TMTC4: variants seen among roughly 807,000 people sequenced by gnomAD.
TMTC4 encodes the protein transmembrane O-mannosyltransferase targeting cadherins 4, also known as protein O-mannosyl-transferase TMTC4.
TMTC4 carries 65 observed loss-of-function variants against 86.0 expected under a neutral mutation model. The observed-to-expected ratio is 0.76, with a 90% CI of 0.62 to 0.93. The LOEUF (loss-of-function observed/expected upper bound fraction) is 0.93. Ranked by LOEUF, TMTC4 falls within the 40% of genes least tolerant of loss-of-function variation. The probability of loss-of-function intolerance (pLI) is 0.00; values close to 1 mark genes in which losing one functional copy is unlikely to be tolerated. For missense variants in TMTC4, 866 were observed against 948.1 expected (o/e 0.91, Z 1.14); for synonymous variants, 379 against 382.5 (o/e 0.99, Z 0.11).
chr13:100,642,340 A>C (rs748758710), intron 6 of TMTC4, 29 bp from the exon 7 acceptor site: 1 of 1,611,390 alleles, frequency 6.2e-7, no homozygotes, highest in South Asian at 1.1e-5. Flanking sequence ...GATCAGTGCA[A>C]AAGTCATGGA....
chr13:100,618,640 TC>T (rs1203067365), intron 15 of TMTC4, among the ~76,000 whole-genome samples: 6 of 151,964 alleles, frequency 3.9e-5, no homozygotes, highest in Admixed American at 3.3e-4. Context: ...CCTGCGGCCT[TC>T]CGCAGTGTTT....
intron 5 of TMTC4, 73 bp from the exon 6 acceptor site, chr13:100,656,541 A>AATTTTTTTTTTTTTTT: frequency 1.3e-5 from 6 of 462,934 alleles, no homozygotes; most frequent in East Asian, 6.3e-5. Flanking sequence ...AGGAGACATA[A>AATTTTTTTTTTTTTTT]CTTTTTTTTT....
At chr13:100,617,291 T>C (rs2138743395) in intron 15 of TMTC4, among the ~76,000 whole-genome samples, 1 of 152,276 alleles carries the variant, frequency 6.6e-6, no homozygotes, top group South Asian at 2.1e-4. Flanking sequence ...CATACCACGA[T>C]GCCCAGCTAA....
intron 7 of TMTC4, among the ~76,000 whole-genome samples, chr13:100,641,125 T>C (rs1294127166): frequency 6.6e-6 from 1 of 151,928 alleles, no homozygotes; most frequent in Non-Finnish European, 1.5e-5. Flanking sequence ...GAGAATACAG[T>C]GTATACACAT....
At chr13:100,637,115 C>G (rs1353920584) in intron 9 of TMTC4, among the ~76,000 whole-genome samples, 2 of 152,096 alleles carry the variant, frequency 1.3e-5, no homozygotes, top group African/African-American at 2.4e-5. Flanking sequence ...ATGAAATGCA[C>G]AGCTAAGAAT....
chr13:100,639,878 C>T (rs370191277), intron 7 of TMTC4, among the ~76,000 whole-genome samples: 3 of 151,638 alleles, frequency 2.0e-5, no homozygotes, highest in African/African-American at 4.9e-5. Context: ...AGGTGGAGGT[C>T]GTAGTAAGCT....
At chr13:100,621,357 G>A (rs1309099467) in intron 15 of TMTC4, among the ~76,000 whole-genome samples, 3 of 152,154 alleles carry the variant, frequency 2.0e-5, no homozygotes, top group Admixed American at 6.5e-5. Flanking sequence ...CACTCACTTT[G>A]TGAGCAATAA....
At chr13:100,618,902 C>G (rs1365694470) in intron 15 of TMTC4, among the ~76,000 whole-genome samples, 1 of 152,186 alleles carries the variant, frequency 6.6e-6, no homozygotes, top group East Asian at 1.9e-4. Context: ...TCTACACAGA[C>G]ACGGCAACCA....
chr13:100,662,959 C>T lies in TMTC4; in HGVS notation c.552+5G>A. On this transcript the variant is annotated splice_donor_5th_base_variant and intron_variant, in intron 5 of 18. Transcript: ENST00000342624. ...ATACAGATGCCTCGGGCAGACGACA[C>T]TTACACACTCGGTGTGCACAGGATG... 1.2e-6 allele frequency: 2 copies of T among 1,613,440 alleles called. No homozygotes were observed. The highest frequency in any genetic ancestry group is 1.7e-6 in the Non-Finnish European group (2 of 1,179,962).
intron 7 of TMTC4, among the ~76,000 whole-genome samples, chr13:100,640,402 A>G (rs79654029): frequency 0.078 from 11,806 of 152,244 alleles, 527 homozygotes; most frequent in Non-Finnish European, 0.11. Flanking sequence ...AAATTCAAGT[A>G]TCTTTCTATG....
At chr13:100,665,731 G>A (rs765924359) in intron 3 of TMTC4, among the ~76,000 whole-genome samples, 4 of 152,222 alleles carry the variant, frequency 2.6e-5, no homozygotes, top group Non-Finnish European at 5.9e-5. Flanking sequence ...GCCACCATGC[G>A]ACTTAGCACC....
At chr13:100,671,318 A>C (rs1361868581) in intron 1 of TMTC4, among the ~76,000 whole-genome samples, 1 of 152,154 alleles carries the variant, frequency 6.6e-6, no homozygotes, top group Non-Finnish European at 1.5e-5. Context: ...TCAGGCTCAA[A>C]TATTTGAAAA....
At chr13:100,621,068 T>A (rs975457512) in intron 15 of TMTC4, among the ~76,000 whole-genome samples, 4 of 152,292 alleles carry the variant, frequency 2.6e-5, no homozygotes, top group African/African-American at 9.6e-5. Context: ...TAGTAAACAA[T>A]ATAAACCAAA....
intron 2 of TMTC4, among the ~76,000 whole-genome samples, chr13:100,669,423 G>A (rs1473332294): frequency 1.3e-5 from 2 of 152,092 alleles, no homozygotes; most frequent in South Asian, 2.1e-4. Flanking sequence ...GGAAATGACT[G>A]GTGGGGACAA....
intron 17 of TMTC4, among the ~76,000 whole-genome samples, chr13:100,608,246 G>A (rs114137701): frequency 0.017 from 2,515 of 152,264 alleles, 70 homozygotes; most frequent in African/African-American, 0.057. Flanking sequence ...AGCAATTTGG[G>A]GGACACAGTG....
At chr13:100,606,894 G>C (rs976220989) in intron 17 of TMTC4, among the ~76,000 whole-genome samples, 19 of 152,178 alleles carry the variant, frequency 1.2e-4, no homozygotes, top group African/African-American at 4.6e-4. Context: ...CATCTGGAAA[G>C]AATGTGCAGA....
intron 6 of TMTC4, among the ~76,000 whole-genome samples, chr13:100,650,665 T>C (rs75148820): frequency 0.1 from 15,907 of 152,220 alleles, 917 homozygotes; most frequent in Non-Finnish European, 0.14. Context: ...ATGAAAGAAG[T>C]CAGGCTTGCT....
rs376086674 is a variant in TMTC4 at position 100,623,788 on chromosome 13, T to C, written c.1836+1747A>G. 1,202 of 346,150 alleles carry C rather than the reference T, an allele frequency of 3.5e-3. 9 individuals are homozygous for C. The highest frequency in any genetic ancestry group is 5.0e-3 in the Non-Finnish European group (862 of 173,884). 21.4% of individuals were successfully genotyped at this position (346,150 alleles called of 1,614,324 possible). A position where few individuals can be genotyped will look rare whatever the true frequency, so the allele number is the denominator to read the frequency against. ...CCAGCTGATGGGTACCAGCTTGTAATGGGCTCCACAGCTGGGGCATTGCTG... is the reference window on the plus strand; with the variant it reads ...CCAGCTGATGGGTACCAGCTTGTAACGGGCTCCACAGCTGGGGCATTGCTG... On this transcript the variant is annotated intron_variant, in intron 15 of 18. Coordinates refer to ENST00000342624, the MANE Select transcript of TMTC4 (RefSeq NM_032813.5).
intron 17 of TMTC4, 71 bp from the exon 18 acceptor site, chr13:100,606,498 A>G (rs1876620639): frequency 7.6e-7 from 1 of 1,314,644 alleles, no homozygotes; most frequent in Admixed American, 2.2e-5. Context: ...CAGTTTTATC[A>G]CCTACGGTTT....
Sources: allele counts gnomAD v4.1 joint callset (sites outside exome capture counted in the v4.1 genomes callset), GRCh38; gene constraint gnomAD v4.1.1; transcripts MANE v1.5; gene names NCBI Gene and HGNC (gene_info 2026-07-23, HGNC 2026-07-21).